Variants in CHD6 observed in about 807,000 individuals in gnomAD.
CHD6 encodes the protein chromodomain helicase DNA binding protein 6, also known as ATP-dependent chromatin remodeler CHD6.
CHD6 carries 50 observed loss-of-function variants against 276.9 expected under a neutral mutation model. That is an observed-to-expected ratio of 0.18 (90% CI 0.14 to 0.23). CHD6 has a LOEUF of 0.23. Among genes scored for constraint, CHD6 ranks in the 10% least tolerant of loss-of-function variants. The probability of loss-of-function intolerance (pLI) is 1.00; values close to 1 mark genes in which losing one functional copy is unlikely to be tolerated. For synonymous variants in CHD6, 1,173 were observed against 1,229.3 expected (o/e 0.95, Z 0.96); for missense variants, 2,564 against 3,365.8 (o/e 0.76, Z 5.89).
chr20:41,448,262 A>T (rs915160325), intron 23 of CHD6, among the ~76,000 whole-genome samples: 3 of 152,164 alleles, frequency 2.0e-5, no homozygotes, highest in Non-Finnish European at 2.9e-5. Context: ...CACCCCTTCC[A>T]TGTGGCCACA....
intron 1 of CHD6, among the ~76,000 whole-genome samples, chr20:41,584,618 A>G (rs2045573978): frequency 6.6e-6 from 1 of 152,214 alleles, no homozygotes. Context: ...TTAAAATTAT[A>G]TTATCCAACT....
rs147954398 is a variant in CHD6 at position 41,425,347 on chromosome 20, C to T, written c.4177G>A (p.Ala1393Thr). The change falls in exon 29 of 37, where the codon GCC becomes ACC. Residue 1393 changes from alanine (A) to threonine (T), a missense_variant. Ala to Thr is a moderately conservative substitution (Grantham distance 58). This residue lies in a region of CHD6 where 515 missense variants were observed against 739.5 expected (regional missense o/e 0.70). Transcript: ENST00000373233. ...PDKSPWPVSS[A>T]LTARLRRLVT... Reference sequence around the variant, plus strand: ...AGACGTCTGAGACGAGCTGTGAGGGCGGAGGAAACTGGCCAGGGCGATTTG... The same window carrying T: ...AGACGTCTGAGACGAGCTGTGAGGGTGGAGGAAACTGGCCAGGGCGATTTG... 148 of 1,614,140 alleles carry T rather than the reference C, an allele frequency of 9.2e-5. No individual in the cohort carries two copies. Among genetic ancestry groups the T allele is most frequent in the Non-Finnish European group, 1.2e-4 (141 of 1,180,024 alleles).
intron 1 of CHD6, among the ~76,000 whole-genome samples, chr20:41,554,999 C>T (rs1376422945): frequency 2.0e-5 from 3 of 149,446 alleles, no homozygotes; most frequent in Non-Finnish European, 4.5e-5. Context: ...GGCGGCTGGC[C>T]GGGCGGGGGG....
intron 3 of CHD6, among the ~76,000 whole-genome samples, chr20:41,529,687 A>G (rs2044632636): frequency 6.6e-6 from 1 of 152,128 alleles, no homozygotes; most frequent in African/African-American, 2.4e-5. Flanking sequence ...TTTAAGAACT[A>G]ATGAGATTAA....
At chr20:41,536,232 A>G (rs763597319) in intron 2 of CHD6, among the ~76,000 whole-genome samples, 4 of 152,248 alleles carry the variant, frequency 2.6e-5, no homozygotes, top group Non-Finnish European at 5.9e-5. Flanking sequence ...AAAATATTTT[A>G]CAAATTATAA....
intron 1 of CHD6, among the ~76,000 whole-genome samples, chr20:41,559,375 A>G (rs1464101204): frequency 6.6e-6 from 1 of 152,232 alleles, no homozygotes; most frequent in Non-Finnish European, 1.5e-5. Flanking sequence ...CAGTAACAAC[A>G]TGAACAAATC....
At chr20:41,575,460 C>T (rs1407213082) in intron 1 of CHD6, among the ~76,000 whole-genome samples, 1 of 152,130 alleles carries the variant, frequency 6.6e-6, no homozygotes, top group Non-Finnish European at 1.5e-5. Context: ...TATGCACCTG[C>T]TATGGTTCAT....
chr20:41,520,226 C>T (rs537810316), intron 3 of CHD6, among the ~76,000 whole-genome samples: 117 of 152,244 alleles, frequency 7.7e-4, no homozygotes, highest in Admixed American at 7.1e-3. Context: ...GTTGGTGGGA[C>T]TGTAAACTAG....
At chr20:41,449,424 A>G (rs1352349392) in intron 23 of CHD6, among the ~76,000 whole-genome samples, 1 of 152,192 alleles carries the variant, frequency 6.6e-6, no homozygotes, top group Non-Finnish European at 1.5e-5. Flanking sequence ...CCATTTCTAT[A>G]AAGAGAAACA....
rs1036485938 is a variant in CHD6, at chr20:41,421,752, T to C, written c.4883A>G (p.Asn1628Ser). 5 of 1,614,082 alleles carry C rather than the reference T, an allele frequency of 3.1e-6. No homozygotes were observed. The African/African-American group carries it at 4.0e-5, about 13-fold the overall frequency. ...HKRSGTQAPG[N>S]LCCLYQTNSK... is the part of the protein sequence containing the mutation. ...GTTGGTCTGGTAAAGGCAACAGAGA[T>C]TTCCTGGTGCCTGGGTGCCAGATCT... Residue 1628 changes from asparagine to serine, a missense_variant, in exon 31 of 37, where the codon AAT becomes AGT. Physicochemically the swap from Asn to Ser is conservative, Grantham distance 46. Around this residue, in one of 7 missense-constraint regions of CHD6, gnomAD observed 1,024 missense variants for 1,047.9 expected, o/e 0.98. Transcript: ENST00000373233.
chr20:41,521,046 C>A (rs1397252147), intron 3 of CHD6, among the ~76,000 whole-genome samples: 1 of 152,144 alleles, frequency 6.6e-6, no homozygotes, highest in Non-Finnish European at 1.5e-5. Flanking sequence ...AGAACAGTAG[C>A]AGGGATACAG....
chr20:41,555,710 C>T (rs1343402595), intron 1 of CHD6, among the ~76,000 whole-genome samples: 5 of 151,242 alleles, frequency 3.3e-5, no homozygotes, highest in East Asian at 3.9e-4. Flanking sequence ...CGGGCAGAGA[C>T]GCTCCTCACT....
intron 5 of CHD6, among the ~76,000 whole-genome samples, chr20:41,508,593 A>T (rs1215398802): frequency 2.0e-5 from 3 of 152,146 alleles, no homozygotes; most frequent in African/African-American, 7.2e-5. Flanking sequence ...ACCTAAAGAC[A>T]GTGTGGGAAT....
chr20:41,436,029 C>T (rs1319948088), intron 27 of CHD6, among the ~76,000 whole-genome samples: 1 of 151,922 alleles, frequency 6.6e-6, no homozygotes, highest in Non-Finnish European at 1.5e-5. Flanking sequence ...CACCATGTTG[C>T]CCAGGCTAGT....
At chr20:41,543,407 A>G (rs1421888535) in intron 2 of CHD6, among the ~76,000 whole-genome samples, 1 of 152,126 alleles carries the variant, frequency 6.6e-6, no homozygotes, top group African/African-American at 2.4e-5. Context: ...ATCAGCAAGA[A>G]CCTCTAACCA....
chr20:41,498,044 C>G, intron 7 of CHD6, 124 bp downstream of exon 7: 1 of 692,070 alleles, frequency 1.4e-6, no homozygotes, highest in Non-Finnish European at 2.5e-6. Flanking sequence ...TTGAGTCAGC[C>G]AAGACCTGTG....
chr20:41,526,856 T>C (rs965182215), intron 3 of CHD6, among the ~76,000 whole-genome samples: 1 of 152,168 alleles, frequency 6.6e-6, no homozygotes, highest in Non-Finnish European at 1.5e-5. Context: ...ACACTCTAAT[T>C]ACCTGGGAGA....
Position 41,512,933 on chromosome 20 carries a change from C to T in CHD6, c.765G>A (p.Val255=), listed in dbSNP as rs768652016. The change falls in exon 5 of 37, where the codon GTG becomes GTA. Residue 255 remains valine, a synonymous_variant. Coordinates refer to ENST00000373233, the MANE Select transcript of CHD6 (RefSeq NM_032221.5). ...RKYNEDLDFK[V]VDDDGETIAV... ...CAATTGTTTCCCCATCATCATCCAC[C>T]ACTTTGAAGTCCAGGTCCTCATTGT... is the stretch of plus-strand genomic sequence containing the variant. 1.2e-6 allele frequency: 2 copies of T among 1,614,064 alleles called. No homozygotes were observed. The highest frequency in any genetic ancestry group is 2.2e-5 in the South Asian group (2 of 91,082).
chr20:41,510,882 T>C (rs2044101340), intron 5 of CHD6, among the ~76,000 whole-genome samples: 1 of 152,222 alleles, frequency 6.6e-6, no homozygotes, highest in Non-Finnish European at 1.5e-5. Context: ...TATTTTTAAC[T>C]ATTAATATTT....
Sources: gnomAD v4.1 joint callset for allele counts (sites outside exome capture counted in the v4.1 genomes callset) on GRCh38, gnomAD v4.1.1 for gene constraint, gnomAD v4.1.1 regional missense constraint, MANE v1.5 for transcripts, NCBI Gene and HGNC (gene_info 2026-07-23, HGNC 2026-07-21) for gene names.